LHFPL3: variants seen among roughly 807,000 people sequenced by gnomAD.
LHFPL3 encodes LHFPL tetraspan subfamily member 3 protein.
Under a neutral mutation model 19.3 loss-of-function variants are expected in LHFPL3, and 5 were observed. The observed-to-expected ratio is 0.26, with a 90% confidence interval of 0.14 to 0.54. The LOEUF is 0.54. Ranked by LOEUF, LHFPL3 falls within the 20% of genes least tolerant of loss-of-function variation. The probability of loss-of-function intolerance (pLI) is 0.94; values close to 1 mark genes in which losing one functional copy is unlikely to be tolerated. For missense variants in LHFPL3, 249 were observed against 307.4 expected, an observed-to-expected ratio of 0.81 and a Z score of 1.42; for synonymous variants, 133 against 126.2, an observed-to-expected ratio of 1.05 and a Z score of -0.36.
At chr7:104,409,839 T>C (rs1217287569) in intron 1 of LHFPL3, among the ~76,000 whole-genome samples, 1 of 152,102 alleles carries the variant, frequency 6.6e-6, no homozygotes, top group Non-Finnish European at 1.5e-5. Flanking sequence ...TGGAATAAGC[T>C]CTTGTTACAG....
rs190036837 is a variant in LHFPL3, at chr7:104,489,861, G to A, written c.445+160637G>A. Reference sequence around the variant, plus strand: ...GAGGATCAGTTCAGTTTTATCTGGCGTGTGGCTGGGTACAAACAGCTATGC... The same window carrying A: ...GAGGATCAGTTCAGTTTTATCTGGCATGTGGCTGGGTACAAACAGCTATGC... On this transcript the variant is annotated intron_variant, in intron 1 of 2. Coordinates refer to ENST00000424859, the MANE Select transcript of LHFPL3 (RefSeq NM_199000.3). Among the ~76,000 whole-genome samples the A allele has an allele frequency of 2.6e-3, 399 of 152,260 alleles. 2 individuals are homozygous for A. The highest frequency in any genetic ancestry group is 9.0e-3 in the African/African-American group (376 of 41,550).
At chr7:104,651,257 C>T (rs1268696093) in intron 1 of LHFPL3, among the ~76,000 whole-genome samples, 1 of 152,206 alleles carries the variant, frequency 6.6e-6, no homozygotes, top group African/African-American at 2.4e-5. Context: ...CCTCCTCAAG[C>T]TCTAAAACTG....
chr7:104,584,604 T>C (rs1790529199), intron 1 of LHFPL3, among the ~76,000 whole-genome samples: 1 of 152,158 alleles, frequency 6.6e-6, no homozygotes, highest in African/African-American at 2.4e-5. Context: ...TCTCCAAAAG[T>C]AGACTTCAGT....
chr7:104,529,714 G>C (rs1005060935), intron 1 of LHFPL3, among the ~76,000 whole-genome samples: 1 of 152,142 alleles, frequency 6.6e-6, no homozygotes, highest in East Asian at 1.9e-4. Flanking sequence ...GGGGTGTCAG[G>C]AACCGGGCTG....
intron 1 of LHFPL3, among the ~76,000 whole-genome samples, chr7:104,577,337 A>G (rs918279296): frequency 2.0e-5 from 3 of 152,188 alleles, no homozygotes; most frequent in Non-Finnish European, 4.4e-5. Context: ...TGTCAGGGAA[A>G]GCTTCCTAGA....
At chr7:104,619,784 G>T (rs913150346) in intron 1 of LHFPL3, among the ~76,000 whole-genome samples, 1 of 151,974 alleles carries the variant, frequency 6.6e-6, no homozygotes, top group East Asian at 1.9e-4. Context: ...TAATACAGTA[G>T]TCCCCAATCT....
chr7:104,494,840 G>A (rs1422328625), intron 1 of LHFPL3, among the ~76,000 whole-genome samples: 1 of 152,028 alleles, frequency 6.6e-6, no homozygotes, highest in African/African-American at 2.4e-5. Flanking sequence ...GCAGCACCAT[G>A]GGTGGCCTTC....
chr7:104,866,162 G>A (rs7783749), intron 2 of LHFPL3, among the ~76,000 whole-genome samples: 58,426 of 151,932 alleles, frequency 0.38, 13,939 homozygotes, highest in African/African-American at 0.64. Context: ...AAGAAACTGC[G>A]TCAACTAACG....
intron 1 of LHFPL3, among the ~76,000 whole-genome samples, chr7:104,379,300 C>G (rs527280214): frequency 1.3e-5 from 2 of 152,168 alleles, no homozygotes; most frequent in Non-Finnish European, 2.9e-5. Flanking sequence ...TTTGGGGGAA[C>G]AGTCTGCACT....
intron 1 of LHFPL3, among the ~76,000 whole-genome samples, chr7:104,404,105 CCTTTACAGAAAAAA>C (rs1791370880): frequency 6.6e-6 from 1 of 152,080 alleles, no homozygotes; most frequent in Non-Finnish European, 1.5e-5. Context: ...ACTACCCAGC[CCTTTACAGAAAAAA>C]CTTGCTAACC....
At chr7:104,730,135 A>G (rs2116277255) in intron 1 of LHFPL3, among the ~76,000 whole-genome samples, 1 of 152,216 alleles carries the variant, frequency 6.6e-6, no homozygotes, top group South Asian at 2.1e-4. Context: ...TTCTTAATCT[A>G]GTCTATCATT....
At chr7:104,772,522 T>G (rs1467313802) in intron 2 of LHFPL3, among the ~76,000 whole-genome samples, 2 of 152,122 alleles carry the variant, frequency 1.3e-5, no homozygotes, top group African/African-American at 4.8e-5. Flanking sequence ...GTCACAGCAG[T>G]CACAGCAGTG....
rs902828519 is a variant in LHFPL3 at position 104,584,687 on chromosome 7, A to C, written c.446-151988A>C. 4.6e-5 allele frequency among the ~76,000 whole-genome samples: 7 copies of C among 152,244 alleles called. No individual in the cohort carries two copies. In the South Asian group the frequency reaches 1.4e-3, roughly 32 times the overall value. On this transcript the variant is annotated intron_variant, in intron 1 of 2. Coordinates refer to ENST00000424859, the MANE Select transcript of LHFPL3 (RefSeq NM_199000.3). ...GAGTTCTTAGTGTAGAATCTTGAAT[A>C]GTTAGAACGAATGCATTTTCTTAAG...
At chr7:104,512,860 G>T (rs925603870) in intron 1 of LHFPL3, among the ~76,000 whole-genome samples, 6 of 152,180 alleles carry the variant, frequency 3.9e-5, no homozygotes, top group African/African-American at 1.4e-4. Flanking sequence ...TATCTTGGAG[G>T]ATGAGCAGTT....
At chr7:104,889,281 G>T (rs1344880695) in intron 2 of LHFPL3, among the ~76,000 whole-genome samples, 1 of 152,232 alleles carries the variant, frequency 6.6e-6, no homozygotes, top group Non-Finnish European at 1.5e-5. Flanking sequence ...TATGAGAAGG[G>T]ATGAAGTGGG....
intron 2 of LHFPL3, among the ~76,000 whole-genome samples, chr7:104,787,351 T>C (rs1440938600): frequency 1.3e-5 from 2 of 152,048 alleles, no homozygotes; most frequent in Non-Finnish European, 2.9e-5. Flanking sequence ...TTTGGGGTGG[T>C]TATTGTCTTT....
intron 1 of LHFPL3, among the ~76,000 whole-genome samples, chr7:104,559,780 C>T (rs1381047105): frequency 6.6e-6 from 1 of 150,564 alleles, no homozygotes; most frequent in African/African-American, 2.5e-5. Flanking sequence ...GGAATGCTTC[C>T]AGTTTTTGCC....
chr7:104,630,235 G>A (rs571197007), intron 1 of LHFPL3, among the ~76,000 whole-genome samples: 1 of 152,168 alleles, frequency 6.6e-6, no homozygotes, highest in South Asian at 2.1e-4. Flanking sequence ...AAGTGCTGGG[G>A]GCACATACAG....
At chr7:104,394,261 C>T (rs1282590911) in intron 1 of LHFPL3, among the ~76,000 whole-genome samples, 2 of 152,152 alleles carry the variant, frequency 1.3e-5, no homozygotes, top group Non-Finnish European at 2.9e-5. Flanking sequence ...TGAGTGCAGC[C>T]TGAGATTCAT....
Sources: allele counts gnomAD v4.1 joint callset (sites outside exome capture counted in the v4.1 genomes callset), GRCh38; gene constraint gnomAD v4.1.1; transcripts MANE v1.5; gene names NCBI Gene and HGNC (gene_info 2026-07-23, HGNC 2026-07-21).